Variants in NT5C2 observed in about 807,000 individuals in gnomAD.
The protein encoded by NT5C2 is 5'-nucleotidase, cytosolic II, also known as cytosolic purine 5'-nucleotidase.
A neutral mutation model predicts 76.1 loss-of-function variants in NT5C2; 58 were observed. That is an observed-to-expected ratio of 0.76 (90% CI 0.62 to 0.95). The LOEUF is 0.95. Among genes scored for constraint, NT5C2 ranks in the 40% least tolerant of loss-of-function variants. NT5C2 has a pLI of 0.00. For synonymous variants in NT5C2, 229 were observed against 237.4 expected (o/e 0.96, Z 0.32); for missense variants, 478 against 690.3 (o/e 0.69, Z 3.45).
At chr10:103,151,309 A>G (rs1416602378) in intron 3 of NT5C2, among the ~76,000 whole-genome samples, 1 of 152,052 alleles carries the variant, frequency 6.6e-6, no homozygotes, top group Non-Finnish European at 1.5e-5. Context: ...TACTAAAAAT[A>G]TAAAATTAGC....
intron 3 of NT5C2, among the ~76,000 whole-genome samples, chr10:103,148,474 G>A (rs1287438780): frequency 6.6e-6 from 1 of 152,096 alleles, no homozygotes; most frequent in Non-Finnish European, 1.5e-5. Context: ...GGTGGCAGGT[G>A]CCTGCTGTAG....
At chr10:103,138,271 GGTTT>G (rs1243665249) in intron 4 of NT5C2, among the ~76,000 whole-genome samples, 7 of 152,206 alleles carry the variant, frequency 4.6e-5, no homozygotes, top group South Asian at 2.1e-4. Context: ...AGTTTTTTGG[GGTTT>G]GTTTGTTTTT....
chr10:103,173,488 GC>G (rs1419043773), intron 3 of NT5C2, among the ~76,000 whole-genome samples: 1 of 151,378 alleles, frequency 6.6e-6, no homozygotes, highest in Non-Finnish European at 1.5e-5. Flanking sequence ...ATGGTGGCGG[GC>G]ACCTGTAGTC....
chr10:103,191,407 G>A (rs1002502799), intron 1 of NT5C2, among the ~76,000 whole-genome samples: 1 of 137,528 alleles, frequency 7.3e-6, no homozygotes, highest in South Asian at 2.2e-4. Context: ...AAGAGAGAGA[G>A]AGGAAATACT....
chr10:103,118,875 T>C (rs747839334), intron 4 of NT5C2, among the ~76,000 whole-genome samples: 2 of 152,056 alleles, frequency 1.3e-5, no homozygotes, highest in Non-Finnish European at 2.9e-5. Context: ...GTTACCCTAG[T>C]TTAAATACTC....
chr10:103,106,514 C>A, intron 5 of NT5C2, 75 bp downstream of exon 5: 1 of 902,602 alleles, frequency 1.1e-6, no homozygotes, highest in Non-Finnish European at 1.8e-6. Context: ...AAGGATAAAT[C>A]TGGAATGTCT....
chr10:103,109,928 A>G (rs1402602518), intron 4 of NT5C2, among the ~76,000 whole-genome samples: 1 of 152,240 alleles, frequency 6.6e-6, no homozygotes, highest in Admixed American at 6.5e-5. Context: ...TTGCCACATT[A>G]TATTTATTGG....
chr10:103,130,811 T>C (rs1352954101), intron 4 of NT5C2, among the ~76,000 whole-genome samples: 4 of 152,048 alleles, frequency 2.6e-5, no homozygotes, highest in African/African-American at 7.2e-5. Context: ...AATTTTCTTA[T>C]CTATTAATAG....
intron 4 of NT5C2, among the ~76,000 whole-genome samples, chr10:103,117,458 G>A (rs1400829989): frequency 6.6e-6 from 1 of 152,158 alleles, no homozygotes; most frequent in Non-Finnish European, 1.5e-5. Context: ...ATCCAACTGG[G>A]CAACACAGCA....
intron 3 of NT5C2, among the ~76,000 whole-genome samples, chr10:103,158,755 T>C (rs1429201873): frequency 6.7e-6 from 1 of 150,328 alleles, no homozygotes; most frequent in Non-Finnish European, 1.5e-5. Context: ...GAGGCGGAGG[T>C]TGCTGTGAGC....
At chr10:103,139,585 T>C (rs2079987189) in intron 3 of NT5C2, 106 bp from the exon 4 acceptor site, 3 of 820,170 alleles carry the variant, frequency 3.7e-6, no homozygotes, top group South Asian at 1.8e-5. Context: ...ATTTTTCCAA[T>C]TGATTTTTTA....
At chr10:103,182,506 G>A (rs1313638471) in intron 1 of NT5C2, among the ~76,000 whole-genome samples, 1 of 151,856 alleles carries the variant, frequency 6.6e-6, no homozygotes, top group African/African-American at 2.4e-5. Flanking sequence ...GTGGTGGCAG[G>A]CACCCATAAT....
At chr10:103,113,641 C>T (rs192594159) in intron 4 of NT5C2, among the ~76,000 whole-genome samples, 73 of 151,782 alleles carry the variant, frequency 4.8e-4, no homozygotes, top group African/African-American at 1.7e-3. Flanking sequence ...GATCCTGGGC[C>T]GTGAAAGAGC....
chr10:103,167,169 C>G (rs769752083), intron 3 of NT5C2, among the ~76,000 whole-genome samples: 9 of 152,166 alleles, frequency 5.9e-5, no homozygotes, highest in Non-Finnish European at 1.2e-4. Flanking sequence ...GCACCCGCCA[C>G]CACACCTGGC....
chr10:103,171,816 T>C (rs992707665), intron 3 of NT5C2, among the ~76,000 whole-genome samples: 2 of 152,276 alleles, frequency 1.3e-5, no homozygotes, highest in Non-Finnish European at 2.9e-5. Context: ...CCCAGCACTT[T>C]GGGAGACCAA....
chr10:103,108,048 GGGAGGGTGAGGCA>G, intron 4 of NT5C2, among the ~76,000 whole-genome samples: 1 of 151,918 alleles, frequency 6.6e-6, no homozygotes, highest in Middle Eastern at 3.4e-3. Flanking sequence ...CCAGCTACTC[GGGAGGGTGAGGCA>G]GGAGAATCGC....
chr10:103,105,903 C>T (rs2071125453), intron 5 of NT5C2, 102 bp from the exon 6 acceptor site: 1 of 760,276 alleles, frequency 1.3e-6, no homozygotes, highest in Non-Finnish European at 2.2e-6. Context: ...TTAATTCAAG[C>T]TTTGTACCAA....
At chr10:103,160,048 T>C (rs557172649) in intron 3 of NT5C2, among the ~76,000 whole-genome samples, 8 of 152,284 alleles carry the variant, frequency 5.3e-5, no homozygotes, top group Admixed American at 2.0e-4. Flanking sequence ...TAAGGACAAA[T>C]AGATCAAACA....
intron 3 of NT5C2, among the ~76,000 whole-genome samples, chr10:103,167,603 GTTTAAAAAAAA>G (rs2086717730): frequency 6.6e-6 from 1 of 151,338 alleles, no homozygotes; most frequent in African/African-American, 2.4e-5. Context: ...TTAGTATGAG[GTTTAAAAAAAA>G]AAATAAAGAT....
Sources: allele counts gnomAD v4.1 joint callset (sites outside exome capture counted in the v4.1 genomes callset), GRCh38; gene constraint gnomAD v4.1.1; transcripts MANE v1.5; gene names NCBI Gene and HGNC (gene_info 2026-07-23, HGNC 2026-07-21).